The following ADK variants were observed in gnomAD, a reference collection of about 807,000 sequenced individuals.
ADK encodes adenosine kinase, also known as N6,N6-dimethyladenosine kinase.
In ADK, 24 loss-of-function variants were observed where a neutral mutation model predicts 44.7. That is an observed-to-expected ratio of 0.54 (90% CI 0.39 to 0.76). The LOEUF (loss-of-function observed/expected upper bound fraction) is 0.76, where lower values mean the gene tolerates loss of function less well. Among genes scored for constraint, ADK ranks in the 30% least tolerant of loss-of-function variants. The probability of loss-of-function intolerance (pLI) is 0.00; values close to 1 mark genes in which losing one functional copy is unlikely to be tolerated. For missense variants in ADK, 321 were observed against 425.1 expected (o/e 0.76, Z 2.15); for synonymous variants, 128 against 142.6 (o/e 0.90, Z 0.73).
At chr10:74,212,536 T>A (rs1591862668) in intron 2 of ADK, among the ~76,000 whole-genome samples, 2 of 152,158 alleles carry the variant, frequency 1.3e-5, no homozygotes, top group African/African-American at 4.8e-5. Flanking sequence ...CTCAGTTTCC[T>A]TGTGAGTAAA....
chr10:74,525,222 A>T, intron 6 of ADK, 34 bp from the exon 7 acceptor site: 1 of 1,586,652 alleles, frequency 6.3e-7, no homozygotes, highest in Non-Finnish European at 8.7e-7. Context: ...TGGAGATGGT[A>T]TTTCTAATTT....
chr10:74,202,113 C>T (rs1843420286), intron 2 of ADK, among the ~76,000 whole-genome samples: 1 of 152,100 alleles, frequency 6.6e-6, no homozygotes, highest in Admixed American at 6.6e-5. Context: ...AACCCAGTCT[C>T]CTGGGAACTA....
chr10:74,315,250 A>G (rs1840576044), intron 4 of ADK, among the ~76,000 whole-genome samples: 1 of 152,108 alleles, frequency 6.6e-6, no homozygotes, highest in Non-Finnish European at 1.5e-5. Flanking sequence ...ATTGCTCTGT[A>G]TTATATATAG....
intron 7 of ADK, among the ~76,000 whole-genome samples, chr10:74,582,317 A>AT (rs1851399371): frequency 6.6e-6 from 1 of 152,018 alleles, no homozygotes. Context: ...TCTCAAAAAA[A>AT]AAATAAAAAA....
chr10:74,494,910 C>T (rs1847628063), intron 6 of ADK, among the ~76,000 whole-genome samples: 1 of 152,164 alleles, frequency 6.6e-6, no homozygotes, highest in South Asian at 2.1e-4. Flanking sequence ...ACCAAAGTGT[C>T]TCAAAGTATC....
intron 3 of ADK, among the ~76,000 whole-genome samples, chr10:74,261,320 CTTTG>C (rs1355612436): frequency 2.6e-5 from 4 of 152,054 alleles, no homozygotes; most frequent in African/African-American, 9.7e-5. Flanking sequence ...ATTAATTTTT[CTTTG>C]TTTATCATAG....
chr10:74,557,622 C>T (rs996283699), intron 7 of ADK, among the ~76,000 whole-genome samples: 7 of 151,810 alleles, frequency 4.6e-5, no homozygotes, highest in African/African-American at 1.2e-4. Context: ...ATTTTATTGC[C>T]GCAAGAGAGA....
intron 9 of ADK, among the ~76,000 whole-genome samples, chr10:74,661,627 C>T (rs940087258): frequency 2.0e-5 from 3 of 152,150 alleles, no homozygotes; most frequent in Admixed American, 1.3e-4. Context: ...TTATTTCTTG[C>T]CTTACTTGAT....
chr10:74,427,593 A>G (rs1177681023), intron 6 of ADK, among the ~76,000 whole-genome samples: 3 of 152,192 alleles, frequency 2.0e-5, no homozygotes, highest in Admixed American at 6.5e-5. Flanking sequence ...AGGGACAAAC[A>G]TATAGACAGG....
At chr10:74,197,939 G>A (rs2132141091) in intron 1 of ADK, among the ~76,000 whole-genome samples, 1 of 152,282 alleles carries the variant, frequency 6.6e-6, no homozygotes, top group East Asian at 1.9e-4. Context: ...TGAGGGTAGA[G>A]GGATTGATGT....
intron 6 of ADK, among the ~76,000 whole-genome samples, chr10:74,400,090 G>A (rs1843657519): frequency 6.6e-6 from 1 of 152,062 alleles, no homozygotes; most frequent in African/African-American, 2.4e-5. Flanking sequence ...TTTTACAGTA[G>A]TATTAAATAT....
chr10:74,572,831 C>T (rs942880803), intron 7 of ADK, among the ~76,000 whole-genome samples: 98 of 152,244 alleles, frequency 6.4e-4, no homozygotes, highest in Non-Finnish European at 9.7e-4. Context: ...ACGTAGTTCT[C>T]GAGCCTTGGC....
At chr10:74,690,354 G>C (rs891656602) in intron 10 of ADK, among the ~76,000 whole-genome samples, 2 of 152,192 alleles carry the variant, frequency 1.3e-5, no homozygotes, top group Non-Finnish European at 2.9e-5. Context: ...AAATTAGTCA[G>C]GCATGGTGGC....
intron 3 of ADK, among the ~76,000 whole-genome samples, chr10:74,308,662 G>A (rs772378841): frequency 6.6e-6 from 1 of 152,188 alleles, no homozygotes; most frequent in Non-Finnish European, 1.5e-5. Flanking sequence ...AGTTATGAAT[G>A]CTTTCTTAAG....
intron 6 of ADK, among the ~76,000 whole-genome samples, chr10:74,484,706 G>A (rs1344276153): frequency 6.6e-6 from 1 of 152,192 alleles, no homozygotes; most frequent in Non-Finnish European, 1.5e-5. Flanking sequence ...TGTGATTTTT[G>A]TAATATAGCA....
intron 4 of ADK, among the ~76,000 whole-genome samples, chr10:74,366,170 T>G (rs1842492049): frequency 6.6e-6 from 1 of 152,232 alleles, no homozygotes; most frequent in African/African-American, 2.4e-5. Flanking sequence ...TGTTATCTAT[T>G]ATTATAGTCT....
At chr10:74,350,657 A>G (rs1442727254) in intron 4 of ADK, among the ~76,000 whole-genome samples, 1 of 152,212 alleles carries the variant, frequency 6.6e-6, no homozygotes, top group African/African-American at 2.4e-5. Flanking sequence ...AACCAAATAG[A>G]TAGACTACTA....
In ADK at chr10:74,589,262, CTTTT is replaced by C. The variant is rs112610475; in HGVS notation, c.727-11_727-8del. 5 of 1,287,088 alleles carry C rather than the reference CTTTT, an allele frequency of 3.9e-6. No homozygotes were observed. The highest frequency in any genetic ancestry group is 5.4e-6 in the Non-Finnish European group (5 of 921,196). The allele number at this position is 1,287,088 out of a possible 1,614,324, so 79.7% of individuals were successfully genotyped here. On this transcript the variant is annotated splice_polypyrimidine_tract_variant and intron_variant, in intron 7 of 10. Transcript: ENST00000539909. ...ACCGAGCACTTTATAATTAACTGTT[CTTTT>C]TTTTTTTTATTTCAGGAAGCTGCCA... is the stretch of plus-strand genomic sequence containing the variant.
chr10:74,176,341 C>A (rs145667729), intron 1 of ADK: 4 of 566,166 alleles, frequency 7.1e-6, no homozygotes, highest in Non-Finnish European at 9.0e-6. Context: ...TTTTTCCCCC[C>A]ACCTTTGCAG....
Sources: gnomAD v4.1 joint callset for allele counts (sites outside exome capture counted in the v4.1 genomes callset) on GRCh38, gnomAD v4.1.1 for gene constraint, MANE v1.5 for transcripts, NCBI Gene and HGNC (gene_info 2026-07-23, HGNC 2026-07-21) for gene names.